RBM42: variants seen among roughly 807,000 people sequenced by gnomAD.
RBM42 encodes the protein RNA binding motif protein 42, also known as RNA-binding protein 42.
Under a neutral mutation model 41.4 loss-of-function variants are expected in RBM42, and 21 were observed. That is an observed-to-expected ratio of 0.51 (90% confidence interval 0.36 to 0.73). RBM42 has a LOEUF of 0.73. Ranked by LOEUF, RBM42 falls within the 30% of genes least tolerant of loss-of-function variation. The pLI, the probability that RBM42 is intolerant of heterozygous loss-of-function variation, is 0.00. For synonymous variants in RBM42, 272 were observed against 271.2 expected (o/e 1.00, Z -0.03); for missense variants, 539 against 680.4 (o/e 0.79, Z 2.31).
At chr19:35,634,869 C>T (rs552408795) in intron 8 of RBM42, among the ~76,000 whole-genome samples, 2 of 152,038 alleles carry the variant, frequency 1.3e-5, no homozygotes, top group African/African-American at 4.8e-5. Context: ...CCCGTCTACC[C>T]ACCACCTAGA....
intron 4 of RBM42, 23 bp downstream of exon 4, chr19:35,631,428 C>G: frequency 6.2e-7 from 1 of 1,610,612 alleles, no homozygotes; most frequent in South Asian, 1.1e-5. Context: ...CCAGGGACCC[C>G]CACATTTAAT....
At chr19:35,629,736 T>C in intron 2 of RBM42, 63 bp downstream of exon 2, 1 of 1,559,146 alleles carries the variant, frequency 6.4e-7, no homozygotes, top group Non-Finnish European at 8.8e-7. Context: ...TAGGTGTTTG[T>C]GTACAGAGAG....
rs756060742 is a variant in RBM42 at position 35,631,236 on chromosome 19, G to T, written c.367+12G>T. Reference sequence around the variant, plus strand: ...TTTTGTAGGCCCTGGTAAGTAAAGAGTAGCAAGGTGAGGGGGTTGGGCAAT... The same window carrying T: ...TTTTGTAGGCCCTGGTAAGTAAAGATTAGCAAGGTGAGGGGGTTGGGCAAT... On this transcript the variant is annotated intron_variant, in intron 3 of 9. Coordinates refer to ENST00000262633, the MANE Select transcript of RBM42 (RefSeq NM_024321.5). 1 of 1,613,840 alleles carries T rather than the reference G, an allele frequency of 6.2e-7. No individual in the cohort carries two copies. The highest frequency in any genetic ancestry group is 1.1e-5 in the South Asian group (1 of 91,086).
At chr19:35,631,508 A>G (rs1440902350) in intron 4 of RBM42, 103 bp downstream of exon 4, 1 of 1,081,960 alleles carries the variant, frequency 9.2e-7, no homozygotes, top group Non-Finnish European at 1.4e-6. Context: ...TTTGCCTTTG[A>G]TCCCAACTTG....
intron 8 of RBM42, among the ~76,000 whole-genome samples, chr19:35,636,597 G>A (rs920577480): frequency 2.6e-5 from 4 of 152,212 alleles, no homozygotes; most frequent in Admixed American, 6.5e-5. Context: ...CAGCCATGGC[G>A]GAGGAGCAGG....
At chr19:35,629,373 G>T in intron 1 of RBM42, 92 bp downstream of exon 1, 1 of 1,509,942 alleles carries the variant, frequency 6.6e-7, no homozygotes, top group Non-Finnish European at 8.8e-7. Flanking sequence ...CGGAGATACG[G>T]CTCTAACATG....
chr19:35,633,662 C>T, intron 6 of RBM42, 25 bp from the exon 7 acceptor site: 1 of 1,413,462 alleles, frequency 7.1e-7, no homozygotes, highest in Non-Finnish European at 9.2e-7. Context: ...AGCCGGCCCC[C>T]CTCATGCTCT....
rs1485580757 is a variant in RBM42, at chr19:35,629,190, G to C, written c.37G>C (p.Ala13Pro). The C allele has an allele frequency of 6.5e-7, 1 of 1,533,996 alleles. No individual in the cohort carries two copies. The highest frequency in any genetic ancestry group is 1.2e-5 in the South Asian group (1 of 83,602). The change falls in exon 1 of 10, where the codon GCA (alanine) becomes CCA (proline). Residue 13 changes from alanine (A) to proline (P), a missense_variant. Ala to Pro is a conservative substitution (Grantham distance 27, BLOSUM62 -1). Transcript: ENST00000262633. ...GGGGCCAGCCCCGGGACTCCCGGGTGCAGGAGGACCCGTGGTCCCGGGTCC... is the reference window on the plus strand; with the variant it reads ...GGGGCCAGCCCCGGGACTCCCGGGTCCAGGAGGACCCGTGGTCCCGGGTCC... Reference protein sequence around the residue: ...GAGPAPGLPGAGGPVVPGPGA... With the variant: ...GAGPAPGLPGPGGPVVPGPGA...
intron 7 of RBM42, 67 bp downstream of exon 7, chr19:35,634,086 C>A: frequency 6.7e-7 from 1 of 1,485,794 alleles, no homozygotes. Context: ...CAGGAACTTC[C>A]ACACAGACAG....
Position 35,637,552 on chromosome 19 carries a change from T to C in RBM42, c.1441T>C (p.Ter481GlnextTer38). ...GGAAAAGAAGAAGCTGGGCCTGAGA[T>C]AGGGTCTGTGGCCAGGCACCCGCTC... ...QKEKKKLGLR[*>Q] is the part of the protein sequence containing the mutation. The change falls in exon 10 of 10, where the codon TAG becomes CAG. Residue 481 changes from the stop codon to glutamine (Q), a stop_lost. Coordinates refer to ENST00000262633, the MANE Select transcript of RBM42 (RefSeq NM_024321.5). This position sits in a 1 kb window ranked among gnomAD's most constrained non-coding sequence, Gnocchi z 7.0. 1.2e-6 allele frequency: 2 copies of C among 1,613,548 alleles called. No homozygotes were observed. Among genetic ancestry groups the C allele is most frequent in the South Asian group, 1.1e-5 (1 of 91,060 alleles).
At chr19:35,629,384 G>A in intron 1 of RBM42, 103 bp downstream of exon 1, 3 of 1,520,470 alleles carry the variant, frequency 2.0e-6, no homozygotes, top group South Asian at 2.5e-5. Flanking sequence ...CTCTAACATG[G>A]GGAAGTGGGA....
At chr19:35,629,363 C>T in intron 1 of RBM42, 82 bp downstream of exon 1, 1 of 1,494,728 alleles carries the variant, frequency 6.7e-7, no homozygotes, top group South Asian at 1.3e-5. Flanking sequence ...CTCGATAGGC[C>T]GGAGATACGG....
intron 4 of RBM42, chr19:35,631,970 C>CA (rs1599605879): frequency 1.3e-5 from 2 of 154,548 alleles, no homozygotes; most frequent in African/African-American, 2.4e-5. Context: ...CATCCTTCCC[C>CA]CCCAGGCCAT....
At chr19:35,629,709 C>T (rs765537867) in intron 2 of RBM42, 36 bp downstream of exon 2, 1 of 1,610,044 alleles carries the variant, frequency 6.2e-7, no homozygotes, top group Non-Finnish European at 8.5e-7. Flanking sequence ...TCAGGGAACA[C>T]AATGCCTCGA....
chr19:35,633,328 G>A, intron 6 of RBM42, 76 bp downstream of exon 6: 1 of 1,177,166 alleles, frequency 8.5e-7, no homozygotes, highest in Non-Finnish European at 1.2e-6. Context: ...AATGGGCTAT[G>A]TCTGAGTTGG....
At position 35,634,270 on chromosome 19, in the gene RBM42, G is replaced by C; in HGVS notation, c.1032G>C (p.Leu344=). The C allele has an allele frequency of 1.2e-6, 2 of 1,614,166 alleles. No individual in the cohort carries two copies. The highest frequency in any genetic ancestry group is 1.7e-6 in the Non-Finnish European group (2 of 1,180,004). Residue 344 remains leucine (L), a synonymous_variant, in exon 8 of 10, where the codon CTG becomes CTC. Coordinates refer to ENST00000262633, the MANE Select transcript of RBM42 (RefSeq NM_024321.5). ...GLMALEVPEP[L]GEDKKKGKPE... is the part of the protein sequence containing the mutation. ...TTCCTCTGCAGGTCCCAGAGCCCCTGGGTGAAGACAAGAAGAAGGGGAAGC... is the reference window on the plus strand; with the variant it reads ...TTCCTCTGCAGGTCCCAGAGCCCCTCGGTGAAGACAAGAAGAAGGGGAAGC...
In RBM42 at chr19:35,629,140, C is replaced by T. The variant is rs1967358549; in HGVS notation, c.-14C>T. The T allele has an allele frequency of 6.6e-7, 1 of 1,521,220 alleles. No individual in the cohort carries two copies. Among genetic ancestry groups the T allele is most frequent in the African/African-American group, 1.4e-5 (1 of 71,418 alleles). 94.2% of individuals were successfully genotyped at this position (1,521,220 alleles called of 1,614,324 possible). ...GCAGAGACTGTAGTAGCGGCGACAG[C>T]GACGACGGCAGCGATGGCTGGGGCG... On this transcript the variant is annotated 5_prime_UTR_variant, in exon 1 of 10. Transcript: ENST00000262633.
rs1220078387 is a variant in RBM42, at chr19:35,631,385, C to T, written c.422C>T (p.Ala141Val). Residue 141 changes from alanine to valine, a missense_variant, in exon 4 of 10, where the codon GCC (alanine) becomes GTC (valine). By Grantham distance (64) the Ala-to-Val change is moderately conservative (BLOSUM62 0). Coordinates refer to ENST00000262633, the MANE Select transcript of RBM42 (RefSeq NM_024321.5). Reference protein sequence around the residue: ...SHLDSPEAREAMFLRRAAVAP... With the variant: ...SHLDSPEAREVMFLRRAAVAP... ...CTGGACAGCCCAGAGGCTCGAGAAG[C>T]CATGTTCCTGCGGCGGGCAGGTGAG... 1.9e-6 allele frequency: 3 copies of T among 1,614,110 alleles called. No homozygotes were observed. Among genetic ancestry groups the T allele is most frequent in the Non-Finnish European group, 1.7e-6 (2 of 1,180,036 alleles).
At chr19:35,631,613 C>T (rs143902558) in intron 4 of RBM42, 16 of 595,438 alleles carry the variant, frequency 2.7e-5, no homozygotes, top group Non-Finnish European at 4.2e-5. Context: ...CTCCTGCTGT[C>T]AGTCCTAATT....
Sources: gnomAD v4.1 joint callset for allele counts (sites outside exome capture counted in the v4.1 genomes callset) on GRCh38, gnomAD v4.1.1 for gene constraint, Gnocchi (gnomAD v3.1) non-coding constraint, MANE v1.5 for transcripts, NCBI Gene and HGNC (gene_info 2026-07-23, HGNC 2026-07-21) for gene names.